The following SPOCK1 variants were observed in gnomAD, a reference collection of about 807,000 sequenced individuals.
SPOCK1 encodes the protein SPARC (osteonectin), cwcv and kazal like domains proteoglycan 1, also known as testican-1.
Under a neutral mutation model 55.3 loss-of-function variants are expected in SPOCK1, and 23 were observed. The ratio of observed to expected loss-of-function variants is 0.42; its 90% CI spans 0.30 to 0.59. The LOEUF is 0.59. Ranked by LOEUF, SPOCK1 falls within the 20% of genes least tolerant of loss-of-function variation. SPOCK1 has a pLI of 0.22. For missense variants in SPOCK1, 499 were observed against 552.5 expected (o/e 0.90, Z 0.97); for synonymous variants, 226 against 221.0 (o/e 1.02, Z -0.20).
In SPOCK1 at chr5:137,185,053, C is replaced by G. The variant is rs1429532338; in HGVS notation, c.233-44359G>C. Among the ~76,000 whole-genome samples, 5 of 152,064 alleles carry G rather than the reference C, an allele frequency of 3.3e-5. No homozygotes were observed. The East Asian group carries it at 9.6e-4, about 29-fold the overall frequency. Reference sequence around the variant, plus strand: ...GTTGACCACTGTATCCAGCACCTAGCACAGCAAATGGGGCAGAGAGAATGA... The same window carrying G: ...GTTGACCACTGTATCCAGCACCTAGGACAGCAAATGGGGCAGAGAGAATGA... On this transcript the variant is annotated intron_variant, in intron 3 of 10. Coordinates refer to ENST00000394945, the MANE Select transcript of SPOCK1 (RefSeq NM_004598.4).
intron 3 of SPOCK1, among the ~76,000 whole-genome samples, chr5:137,201,621 C>T (rs192926003): frequency 1.8e-4 from 27 of 152,252 alleles, no homozygotes; most frequent in African/African-American, 5.1e-4. Flanking sequence ...CCAATGCCAA[C>T]GTTAACATTT....
chr5:137,066,464 G>A (rs1216562855), intron 6 of SPOCK1, among the ~76,000 whole-genome samples: 4 of 152,114 alleles, frequency 2.6e-5, no homozygotes, highest in African/African-American at 9.7e-5. Context: ...TCTAGCCTCA[G>A]AATAAAAGCA....
chr5:137,370,010 G>A (rs2127170264), intron 2 of SPOCK1, among the ~76,000 whole-genome samples: 1 of 152,220 alleles, frequency 6.6e-6, no homozygotes, highest in South Asian at 2.1e-4. Context: ...GATTTACTGG[G>A]ATCCCACAGG....
intron 3 of SPOCK1, among the ~76,000 whole-genome samples, chr5:137,146,776 A>G (rs942882452): frequency 1.3e-5 from 2 of 152,182 alleles, no homozygotes; most frequent in African/African-American, 2.4e-5. Context: ...AAGCCTCCTC[A>G]CAATTCTTTC....
At chr5:137,466,279 C>T (rs1268887123) in intron 2 of SPOCK1, among the ~76,000 whole-genome samples, 1 of 152,190 alleles carries the variant, frequency 6.6e-6, no homozygotes. Flanking sequence ...TGGGTTTCCA[C>T]ACTAAGCATG....
intron 6 of SPOCK1, among the ~76,000 whole-genome samples, chr5:137,046,581 C>T (rs1452097245): frequency 1.9e-5 from 2 of 107,192 alleles, no homozygotes; most frequent in Non-Finnish European, 3.8e-5. Flanking sequence ...ATGTCGTCTG[C>T]AAACAGGGAC....
At chr5:137,434,480 C>CTTTTTTTTTTTTTTTTTTTT (rs146762668) in intron 2 of SPOCK1, among the ~76,000 whole-genome samples, 5 of 68,222 alleles carry the variant, frequency 7.3e-5, no homozygotes, top group African/African-American at 1.8e-4. Context: ...TCTTTTTTTT[C>CTTTTTTTTTTTTTTTTTTTT]TTTTTTTTTT....
intron 9 of SPOCK1, among the ~76,000 whole-genome samples, chr5:136,982,101 G>A (rs1294159622): frequency 6.6e-6 from 1 of 152,162 alleles, no homozygotes; most frequent in African/African-American, 2.4e-5. Flanking sequence ...ATCTAGGTCT[G>A]TGTGAGTATA....
intron 3 of SPOCK1, among the ~76,000 whole-genome samples, chr5:137,165,152 G>T (rs903609559): frequency 6.6e-6 from 1 of 152,200 alleles, no homozygotes. Flanking sequence ...GACCCAGTGT[G>T]GTCCTAGGGG....
At chr5:137,429,765 G>A (rs1158658744) in intron 2 of SPOCK1, among the ~76,000 whole-genome samples, 1 of 152,210 alleles carries the variant, frequency 6.6e-6, no homozygotes, top group Non-Finnish European at 1.5e-5. Context: ...GTAGACCCAA[G>A]AGATCAATCC....
intron 2 of SPOCK1, among the ~76,000 whole-genome samples, chr5:137,383,208 C>G (rs1377392755): frequency 3.3e-5 from 5 of 152,148 alleles, no homozygotes; most frequent in Non-Finnish European, 7.4e-5. Flanking sequence ...TCTCAAAGAG[C>G]TGCTGTGATA....
chr5:137,235,722 G>A (rs1054173666), intron 3 of SPOCK1, among the ~76,000 whole-genome samples: 2 of 152,232 alleles, frequency 1.3e-5, no homozygotes, highest in Non-Finnish European at 1.5e-5. Context: ...ACTACAAAGA[G>A]TGTGTGTTTA....
intron 3 of SPOCK1, among the ~76,000 whole-genome samples, chr5:137,245,861 A>G (rs1247199439): frequency 6.6e-5 from 10 of 152,224 alleles, no homozygotes; most frequent in African/African-American, 2.4e-4. Flanking sequence ...ATCACTGTAT[A>G]TACTGCCTGT....
intron 2 of SPOCK1, among the ~76,000 whole-genome samples, chr5:137,380,889 A>T (rs770256534): frequency 1.3e-4 from 20 of 152,158 alleles, no homozygotes; most frequent in Non-Finnish European, 4.4e-5. Context: ...CCCAAGCTAC[A>T]TTGCAAAATA....
chr5:137,468,735 G>A (rs1033261866), intron 2 of SPOCK1, among the ~76,000 whole-genome samples: 12 of 152,264 alleles, frequency 7.9e-5, no homozygotes, highest in South Asian at 2.1e-4. Context: ...GGAAAAGCCC[G>A]CCTTCAGCCC....
intron 2 of SPOCK1, among the ~76,000 whole-genome samples, chr5:137,276,216 T>C (rs1757064022): frequency 6.6e-6 from 1 of 152,228 alleles, no homozygotes; most frequent in African/African-American, 2.4e-5. Flanking sequence ...TGCAGCAGCC[T>C]ATGCTCTCTT....
chr5:137,189,387 C>T (rs1156453494), intron 3 of SPOCK1, among the ~76,000 whole-genome samples: 1 of 152,178 alleles, frequency 6.6e-6, no homozygotes, highest in African/African-American at 2.4e-5. Context: ...AGCCAGTGCT[C>T]ATTTACCATT....
chr5:137,021,601 G>A (rs2126980242), intron 6 of SPOCK1, among the ~76,000 whole-genome samples: 2 of 152,210 alleles, frequency 1.3e-5, no homozygotes, highest in South Asian at 2.1e-4. Context: ...GAATATACTA[G>A]CTGTGTTTCA....
intron 10 of SPOCK1, 39 bp downstream of exon 10, chr5:136,979,293 C>A: frequency 6.2e-7 from 1 of 1,612,594 alleles, no homozygotes. Context: ...CACAGGCCAC[C>A]CAGGTCATTG....
Sources: allele counts gnomAD v4.1 joint callset (sites outside exome capture counted in the v4.1 genomes callset), GRCh38; gene constraint gnomAD v4.1.1; transcripts MANE v1.5; gene names NCBI Gene and HGNC (gene_info 2026-07-23, HGNC 2026-07-21).